Variants in DUSP19 observed in about 807,000 individuals in gnomAD.
DUSP19 encodes the protein dual specificity protein phosphatase 19.
DUSP19 carries 14 observed loss-of-function variants against 16.6 expected under a neutral mutation model. The ratio of observed to expected loss-of-function variants is 0.84; its 90% confidence interval spans 0.56 to 1.32. The LOEUF (loss-of-function observed/expected upper bound fraction) is 1.32. Among genes scored for constraint, DUSP19 ranks in the 40% most tolerant of loss-of-function variants. DUSP19 has a pLI of 0.00. For synonymous variants in DUSP19, 81 were observed against 90.5 expected, an observed-to-expected ratio of 0.90 and a Z score of 0.59; for missense variants, 258 against 255.9, an observed-to-expected ratio of 1.01 and a Z score of -0.06.
intron 1 of DUSP19, among the ~76,000 whole-genome samples, chr2:183,080,845 T>C (rs1031350067): frequency 2.0e-4 from 31 of 152,312 alleles, no homozygotes; most frequent in South Asian, 2.1e-4. Context: ...AAGCTCACCT[T>C]TTTCTGCCTA....
intron 2 of DUSP19, among the ~76,000 whole-genome samples, chr2:183,085,020 C>T (rs1026429330): frequency 1.3e-5 from 2 of 151,940 alleles, no homozygotes; most frequent in African/African-American, 4.8e-5. Context: ...TTGAAAGCAA[C>T]GTAGAAGGAA....
At chr2:183,094,942 G>A (rs1699778184) in intron 3 of DUSP19, among the ~76,000 whole-genome samples, 1 of 151,828 alleles carries the variant, frequency 6.6e-6, no homozygotes, top group African/African-American at 2.4e-5. Flanking sequence ...TATTTCCTGT[G>A]GTTTTTTTCT....
rs920629307 is a variant in DUSP19, at chr2:183,078,828, A to G, written c.-106A>G. 3.1e-6 allele frequency: 3 copies of G among 961,046 alleles called. No homozygotes were observed. Among genetic ancestry groups the G allele is most frequent in the Non-Finnish European group, 4.7e-6 (3 of 644,284 alleles). 59.5% of individuals were successfully genotyped at this position (961,046 alleles called of 1,614,324 possible). On this transcript the variant is annotated 5_prime_UTR_variant, in exon 1 of 4. Coordinates refer to ENST00000354221, the MANE Select transcript of DUSP19 (RefSeq NM_080876.4). The stretch of plus-strand genomic sequence containing the variant: ...GCTGCGGTTACCTGGATGGGCGAGC[A>G]CCTCTGAGGCTGGCTTTGTTACCTG...
chr2:183,079,567 G>C (rs1367674602), intron 1 of DUSP19, among the ~76,000 whole-genome samples: 4 of 152,138 alleles, frequency 2.6e-5, no homozygotes, highest in Non-Finnish European at 4.4e-5. Context: ...GTTAATACTC[G>C]AAATAGTCCT....
rs1161362891 is a variant in DUSP19 at position 183,095,686 on chromosome 2, T to G, written c.*28T>G. On this transcript the variant is annotated 3_prime_UTR_variant, in exon 4 of 4. Coordinates refer to ENST00000354221, the MANE Select transcript of DUSP19 (RefSeq NM_080876.4). ...TGCATTGTAGCAGACAATGGACAAC[T>G]GTAGTTTCTGAATTGACTTCTATAG... 2 of 1,553,994 alleles carry G rather than the reference T, an allele frequency of 1.3e-6. No homozygotes were observed. Among genetic ancestry groups the G allele is most frequent in the Admixed American group, 1.8e-5 (1 of 57,066 alleles).
chr2:183,087,105 G>C lies in DUSP19; in HGVS notation c.339G>C (p.Lys113Asn). ...ENAFLSDFTYKSISILDLPET... is the reference protein window; with the variant it reads ...ENAFLSDFTYNSISILDLPET... ...CTTTCCTCAGTGACTTTACATATAA[G>C]AGCATTTCTATATTGGATCTGCCTG... Residue 113 changes from lysine (K) to asparagine (N), a missense_variant, in exon 3 of 4, where the codon AAG (lysine) becomes AAC (asparagine). Transcript: ENST00000354221. 1 of 1,613,116 alleles carries C rather than the reference G, an allele frequency of 6.2e-7. No individual in the cohort carries two copies. The highest frequency in any genetic ancestry group is 8.5e-7 in the Non-Finnish European group (1 of 1,179,694).
chr2:183,098,405 A>G lies in DUSP19; in HGVS notation c.*2747A>G, dbSNP rs1699831508. 1.3e-5 allele frequency: 2 copies of G among 152,224 alleles called. No homozygotes were observed. Among genetic ancestry groups the G allele is most frequent in the South Asian group, 4.1e-4 (2 of 4,838 alleles). 9.4% of individuals were successfully genotyped at this position (152,224 alleles called of 1,614,324 possible). On this transcript the variant is annotated 3_prime_UTR_variant, in exon 4 of 4. Transcript: ENST00000354221. ...GGCACCAAGTAAAGCATAAGGTCAT[A>G]TATACTATACAATATGTTTATTGCA... is the stretch of plus-strand genomic sequence containing the variant.
intron 1 of DUSP19, among the ~76,000 whole-genome samples, chr2:183,081,437 C>T (rs898351863): frequency 1.3e-5 from 2 of 152,002 alleles, no homozygotes; most frequent in Non-Finnish European, 2.9e-5. Context: ...TGTAGAGATG[C>T]GGTTTTACCA....
intron 1 of DUSP19, among the ~76,000 whole-genome samples, chr2:183,082,009 T>C (rs1035316758): frequency 1.1e-4 from 16 of 152,206 alleles, no homozygotes; most frequent in Admixed American, 2.6e-4. Flanking sequence ...GCTTATTAAC[T>C]AGAGCCAGTT....
At chr2:183,082,419 C>CCTT (rs1326787605) in intron 1 of DUSP19, among the ~76,000 whole-genome samples, 1 of 84,828 alleles carries the variant, frequency 1.2e-5, no homozygotes, top group Non-Finnish European at 2.2e-5. Context: ...GAACATTTTT[C>CCTT]TTTTTTTTTT....
Position 183,079,097 on chromosome 2 carries a change from G to C in DUSP19, c.164G>C (p.Gly55Ala). The change falls in exon 1 of 4, where the codon GGT (glycine) becomes GCT (alanine). Residue 55 changes from glycine to alanine, a missense_variant. By Grantham distance (60) the Gly-to-Ala change is moderately conservative (BLOSUM62 0). Transcript: ENST00000354221. ...EVEPSSGGGC[G>A]YVQDLSSDLQ... Reference sequence around the variant, plus strand: ...GAGCCGAGCAGTGGGGGTGGTTGTGGTTATGTGCAGGACCTTAGCTCGGAC... The same window carrying C: ...GAGCCGAGCAGTGGGGGTGGTTGTGCTTATGTGCAGGACCTTAGCTCGGAC... 1 of 1,614,122 alleles carries C rather than the reference G, an allele frequency of 6.2e-7. No individual in the cohort carries two copies. The highest frequency in any genetic ancestry group is 8.5e-7 in the Non-Finnish European group (1 of 1,180,020).
At chr2:183,086,993 C>A (rs1699671064) in intron 2 of DUSP19, 47 bp from the exon 3 acceptor site, 2 of 1,571,366 alleles carry the variant, frequency 1.3e-6, no homozygotes, top group South Asian at 1.2e-5. Context: ...TTTAGGTAAC[C>A]TAATTCATGG....
chr2:183,085,830 G>A (rs997547925), intron 2 of DUSP19, among the ~76,000 whole-genome samples: 5 of 137,010 alleles, frequency 3.6e-5, no homozygotes, highest in African/African-American at 1.3e-4. Context: ...AAGTACAGAT[G>A]TGGACAAGGT....
chr2:183,078,844 T>C lies in DUSP19; in HGVS notation c.-90T>C. On this transcript the variant is annotated 5_prime_UTR_variant, in exon 1 of 4. Coordinates refer to ENST00000354221, the MANE Select transcript of DUSP19 (RefSeq NM_080876.4). ...TGGGCGAGCACCTCTGAGGCTGGCT[T>C]TGTTACCTGGGCAATAAGGGACTAG... 8.1e-7 allele frequency: 1 copy of C among 1,227,422 alleles called. No homozygotes were observed. Among genetic ancestry groups the C allele is most frequent in the Non-Finnish European group, 1.1e-6 (1 of 872,464 alleles). 76.0% of individuals were successfully genotyped at this position (1,227,422 alleles called of 1,614,324 possible).
Position 183,083,909 on chromosome 2 carries a change from G to A in DUSP19, c.273+355G>A, listed in dbSNP as rs967182695. Among the ~76,000 whole-genome samples the A allele has an allele frequency of 6.6e-5, 10 of 152,044 alleles. 1 individual carries two copies. The highest frequency in any genetic ancestry group is 5.2e-4 in the Admixed American group (8 of 15,248). ...CCTTAAGTCCCAACTCACATACCAC[G>A]TCTTCTGTAATGCCATTTCCAGCCA... is the stretch of plus-strand genomic sequence containing the variant. On this transcript the variant is annotated intron_variant, in intron 2 of 3. Transcript: ENST00000354221.
chr2:183,093,082 T>C (rs1404937382), intron 3 of DUSP19, among the ~76,000 whole-genome samples: 1 of 152,192 alleles, frequency 6.6e-6, no homozygotes, highest in Non-Finnish European at 1.5e-5. Context: ...TATTAATTAC[T>C]TATTCTGAGA....
At chr2:183,087,813 C>A (rs1241070212) in intron 3 of DUSP19, among the ~76,000 whole-genome samples, 1 of 152,192 alleles carries the variant, frequency 6.6e-6, no homozygotes, top group African/African-American at 2.4e-5. Context: ...GAACACCTAA[C>A]AATGACAGGA....
rs1262451962 is a variant in DUSP19, at chr2:183,078,855, G to A, written c.-79G>A. 32 of 1,333,790 alleles carry A rather than the reference G, an allele frequency of 2.4e-5. No homozygotes were observed. The highest frequency in any genetic ancestry group is 1.8e-4 in the Middle Eastern group (1 of 5,456). 82.6% of individuals were successfully genotyped at this position (1,333,790 alleles called of 1,614,324 possible). A position where few individuals can be genotyped will look rare whatever the true frequency, so the allele number is the denominator to read the frequency against. On this transcript the variant is annotated 5_prime_UTR_variant, in exon 1 of 4. Transcript: ENST00000354221. ...CTCTGAGGCTGGCTTTGTTACCTGG[G>A]CAATAAGGGACTAGCAGTTCAGCCG...
At chr2:183,090,476 A>G (rs1216686567) in intron 3 of DUSP19, among the ~76,000 whole-genome samples, 2 of 152,358 alleles carry the variant, frequency 1.3e-5, no homozygotes, top group East Asian at 3.9e-4. Context: ...ACAAAGTATA[A>G]CAATGTGTAT....
Sources: allele counts gnomAD v4.1 joint callset (sites outside exome capture counted in the v4.1 genomes callset), GRCh38; gene constraint gnomAD v4.1.1; transcripts MANE v1.5; gene names NCBI Gene and HGNC (gene_info 2026-07-23, HGNC 2026-07-21).